FAF1: variants seen among roughly 807,000 people sequenced by gnomAD.
The protein encoded by FAF1 is FAS-associated factor 1.
A neutral mutation model predicts 92.5 loss-of-function variants in FAF1; 25 were observed. That is an observed-to-expected ratio of 0.27 (90% CI 0.20 to 0.38). The LOEUF is 0.38. Ranked by LOEUF, FAF1 falls within the 10% of genes least tolerant of loss-of-function variation. The pLI, the probability that FAF1 is intolerant of heterozygous loss-of-function variation, is 1.00. For missense variants in FAF1, 636 were observed against 793.3 expected (o/e 0.80, Z 2.38); for synonymous variants, 234 against 273.2 (o/e 0.86, Z 1.42).
intron 15 of FAF1, among the ~76,000 whole-genome samples, chr1:50,494,721 A>G (rs1646879041): frequency 6.6e-6 from 1 of 152,288 alleles, no homozygotes; most frequent in East Asian, 1.9e-4. Flanking sequence ...CCAGGGGTAA[A>G]AGACTCTATT....
chr1:50,762,755 T>C lies in FAF1; in HGVS notation c.368-17980A>G, dbSNP rs1415717425. On this transcript the variant is annotated intron_variant, in intron 4 of 18. Transcript: ENST00000396153. Reference sequence around the variant, plus strand: ...AAAACCCTAGAAGAAAACCTAGGCATTACCATTCAGGACATAGGCATGGGC... The same window carrying C: ...AAAACCCTAGAAGAAAACCTAGGCACTACCATTCAGGACATAGGCATGGGC... 3.3e-5 allele frequency among the ~76,000 whole-genome samples: 5 copies of C among 151,878 alleles called. No individual in the cohort carries two copies. In the East Asian group the frequency reaches 9.7e-4, roughly 29 times the overall value.
chr1:50,628,228 A>G (rs1653601129), intron 8 of FAF1, among the ~76,000 whole-genome samples: 1 of 152,204 alleles, frequency 6.6e-6, no homozygotes, highest in Non-Finnish European at 1.5e-5. Flanking sequence ...ATTATTGATA[A>G]CATATGTTTC....
At chr1:50,533,609 T>C (rs570306161) in intron 15 of FAF1, among the ~76,000 whole-genome samples, 14 of 152,260 alleles carry the variant, frequency 9.2e-5, no homozygotes, top group Admixed American at 9.2e-4. Flanking sequence ...TATATTAAAA[T>C]TGTCTATATG....
chr1:50,557,249 G>A (rs1172731773), intron 13 of FAF1, among the ~76,000 whole-genome samples: 2 of 152,192 alleles, frequency 1.3e-5, no homozygotes, highest in East Asian at 1.9e-4. Flanking sequence ...AATCTATTTA[G>A]GATTCTTAAA....
chr1:50,907,776 C>T (rs1416780576), intron 1 of FAF1, among the ~76,000 whole-genome samples: 1 of 151,760 alleles, frequency 6.6e-6, no homozygotes, highest in Admixed American at 6.6e-5. Context: ...CTCTTTTCTT[C>T]TTTATTAGTC....
chr1:50,847,432 A>C (rs1334600679), intron 2 of FAF1, among the ~76,000 whole-genome samples: 1 of 151,894 alleles, frequency 6.6e-6, no homozygotes, highest in African/African-American at 2.4e-5. Flanking sequence ...AAAAAAAAAA[A>C]AAACAGTAAC....
intron 15 of FAF1, among the ~76,000 whole-genome samples, chr1:50,532,577 C>G (rs1264763617): frequency 1.3e-5 from 2 of 152,118 alleles, no homozygotes; most frequent in Non-Finnish European, 2.9e-5. Flanking sequence ...ATGTCACTGT[C>G]AATTTATAGA....
chr1:50,883,641 G>A (rs1386416147), intron 1 of FAF1, among the ~76,000 whole-genome samples: 2 of 152,102 alleles, frequency 1.3e-5, no homozygotes, highest in Non-Finnish European at 2.9e-5. Context: ...CAAAGAGTTA[G>A]GAGACCTCTT....
chr1:50,837,766 CAG>C (rs1185282243), intron 2 of FAF1, among the ~76,000 whole-genome samples: 2 of 145,504 alleles, frequency 1.4e-5, no homozygotes, highest in Non-Finnish European at 3.0e-5. Context: ...TTTTTTGAGA[CAG>C]AGTCTCACTC....
chr1:50,781,509 AAC>A (rs1442477261), intron 4 of FAF1, among the ~76,000 whole-genome samples: 1 of 152,170 alleles, frequency 6.6e-6, no homozygotes, highest in Non-Finnish European at 1.5e-5. Context: ...ATATGAAGCA[AAC>A]ACTGACAAAA....
intron 13 of FAF1, among the ~76,000 whole-genome samples, chr1:50,557,870 G>A (rs907418206): frequency 3.3e-5 from 5 of 151,928 alleles, no homozygotes; most frequent in South Asian, 2.1e-4. Flanking sequence ...ATACACGATG[G>A]CATATATATA....
intron 15 of FAF1, among the ~76,000 whole-genome samples, chr1:50,495,674 A>G (rs1446981981): frequency 6.6e-6 from 1 of 152,210 alleles, no homozygotes; most frequent in East Asian, 1.9e-4. Context: ...TAGTTTTTAA[A>G]GGAACCTCTA....
At chr1:50,495,701 G>C (rs1646889870) in intron 15 of FAF1, among the ~76,000 whole-genome samples, 1 of 152,178 alleles carries the variant, frequency 6.6e-6, no homozygotes, top group Non-Finnish European at 1.5e-5. Flanking sequence ...TCTCCATGGT[G>C]ATTGTACTAA....
At chr1:50,451,364 G>C (rs931788483) in intron 18 of FAF1, among the ~76,000 whole-genome samples, 3 of 152,182 alleles carry the variant, frequency 2.0e-5, no homozygotes, top group Non-Finnish European at 4.4e-5. Flanking sequence ...ACTGTGCTAA[G>C]TGCTGTATAA....
At chr1:50,626,816 G>GAA (rs1653519198) in intron 8 of FAF1, among the ~76,000 whole-genome samples, 2 of 152,240 alleles carry the variant, frequency 1.3e-5, no homozygotes, top group African/African-American at 4.8e-5. Flanking sequence ...AGTCCACAAT[G>GAA]AAAAGTTGGT....
At chr1:50,766,897 T>C (rs151042864) in intron 4 of FAF1, among the ~76,000 whole-genome samples, 24 of 150,554 alleles carry the variant, frequency 1.6e-4, no homozygotes, top group African/African-American at 5.9e-4. Context: ...ACTCTGCCAA[T>C]TTAAAAAGCC....
chr1:50,465,323 T>C (rs558443492), intron 18 of FAF1, among the ~76,000 whole-genome samples: 3 of 152,364 alleles, frequency 2.0e-5, no homozygotes, highest in African/African-American at 7.2e-5. Context: ...CATAGGGTTG[T>C]TGTAAGAATT....
At chr1:50,872,368 T>C (rs1311111802) in intron 1 of FAF1, among the ~76,000 whole-genome samples, 1 of 152,148 alleles carries the variant, frequency 6.6e-6, no homozygotes, top group East Asian at 1.9e-4. Flanking sequence ...TGTGAAGATA[T>C]GCATGAATTG....
intron 12 of FAF1, among the ~76,000 whole-genome samples, chr1:50,574,164 T>C (rs767159662): frequency 1.3e-5 from 2 of 152,198 alleles, no homozygotes; most frequent in Non-Finnish European, 2.9e-5. Context: ...ACTCTCAAAA[T>C]AAGCTGACAG....
Sources: gnomAD v4.1 joint callset for allele counts (sites outside exome capture counted in the v4.1 genomes callset) on GRCh38, gnomAD v4.1.1 for gene constraint, MANE v1.5 for transcripts, NCBI Gene and HGNC (gene_info 2026-07-23, HGNC 2026-07-21) for gene names.